Variants in BCOR observed in about 807,000 individuals in gnomAD.
BCOR encodes BCL-6 corepressor.
Under a neutral mutation model 86.7 loss-of-function variants are expected in BCOR, and 10 were observed. The ratio of observed to expected loss-of-function variants is 0.12; its 90% CI spans 0.07 to 0.20. BCOR has a LOEUF of 0.20. BCOR is among the 10% of genes least tolerant of loss of function. The pLI is 1.00. For missense variants in BCOR, 1,259 were observed against 1,452.1 expected, an observed-to-expected ratio of 0.87 and a Z score of 2.16; for synonymous variants, 611 against 609.0, an observed-to-expected ratio of 1.00 and a Z score of -0.05.
At chrX:40,117,612 C>T (rs1247117195) in intron 1 of BCOR, among the ~76,000 whole-genome samples, 1 of 111,683 alleles carries the variant, frequency 9.0e-6, no homozygotes, top group Non-Finnish European at 1.9e-5. Flanking sequence ...GAATTCATAA[C>T]GCCTTTCAAA....
Position 40,052,108 on chromosome X carries a change from C to T in BCOR, c.*1G>A, listed in dbSNP as rs1934323963. ...CACTGTACATGGTGGGTCCAGCTTG[C>T]TCACCAGTAGTTGTCTGAGGCCAGA... is the stretch of plus-strand genomic sequence containing the variant. On this transcript the variant is annotated 3_prime_UTR_variant, in exon 15 of 15. Transcript: ENST00000378444. 5.0e-6 allele frequency: 6 copies of T among 1,191,056 alleles called. No homozygotes were observed. Among genetic ancestry groups the T allele is most frequent in the East Asian group, 6.0e-5 (2 of 33,160 alleles).
chrX:40,161,198 G>T lies in BCOR; in HGVS notation c.-41+15809C>A, dbSNP rs193115624. On this transcript the variant is annotated intron_variant, in intron 1 of 14. Coordinates refer to the BCOR transcript ENST00000342274. ...AATTTTTGTTTTTTTGTTTTTTGGG[G>T]TTTTTTTTTGTTTTTTGGGTTTTTT... 4.6e-3 allele frequency among the ~76,000 whole-genome samples: 465 copies of T among 100,356 alleles called. 5 individuals carry two copies. The highest frequency in any genetic ancestry group is 0.021 in the Admixed American group (198 of 9,215). The allele number at this position is 100,356 out of a possible 115,157, so 87.1% of individuals were successfully genotyped here.
rs1000044703 is a variant in BCOR at position 40,051,953 on chromosome X, G to A, written c.*156C>T. The A allele has an allele frequency of 1.3e-5, 6 of 452,421 alleles. No individual in the cohort carries two copies. The highest frequency in any genetic ancestry group is 2.0e-5 in the Non-Finnish European group (6 of 296,133). 37.3% of individuals were successfully genotyped at this position (452,421 alleles called of 1,213,427 possible). ...TAAAAGTTTAAAAGGAAAAAAACAT[G>A]TTTCTAAGTCCTTCTGACTGGAGTA... On this transcript the variant is annotated 3_prime_UTR_variant, in exon 15 of 15. Coordinates refer to ENST00000378444, the MANE Select transcript of BCOR (RefSeq NM_001123385.2).
chrX:40,089,621 GCT>G (rs1172211122), intron 1 of BCOR, among the ~76,000 whole-genome samples: 1 of 110,975 alleles, frequency 9.0e-6, no homozygotes, highest in East Asian at 2.8e-4. Flanking sequence ...TAAGGCCAAT[GCT>G]CTCAACAAGC....
chrX:40,092,185 G>C (rs1936649251), intron 1 of BCOR, among the ~76,000 whole-genome samples: 2 of 112,159 alleles, frequency 1.8e-5, no homozygotes, highest in Non-Finnish European at 3.8e-5. Context: ...GGCATTGCCA[G>C]GGCTGCCCGC....
At chrX:40,098,838 T>C (rs1937010742), upstream of BCOR, among the ~76,000 whole-genome samples, 1 of 111,873 alleles carries the variant, frequency 8.9e-6, no homozygotes, top group African/African-American at 3.2e-5. Flanking sequence ...ACGTTTCAAT[T>C]GTGTGGGAAT....
At chrX:40,161,457 C>T (rs2148011827) in intron 1 of BCOR, among the ~76,000 whole-genome samples, 1 of 106,285 alleles carries the variant, frequency 9.4e-6, no homozygotes, top group South Asian at 4.2e-4. Flanking sequence ...CTCGGCCTCC[C>T]AAAGTGCTGG....
chrX:40,158,264 G>A (rs1050519032), intron 1 of BCOR, among the ~76,000 whole-genome samples: 6 of 112,466 alleles, frequency 5.3e-5, no homozygotes, highest in African/African-American at 1.6e-4. Context: ...CTGGGACAGC[G>A]CGCGCCCCGG....
intron 1 of BCOR, among the ~76,000 whole-genome samples, chrX:40,173,810 C>T (rs762708056): frequency 8.9e-6 from 1 of 112,654 alleles, no homozygotes; most frequent in African/African-American, 3.2e-5. Flanking sequence ...TAAATCAGTT[C>T]TCGGAGGAGT....
At chrX:40,124,508 C>T (rs1937520370) in intron 1 of BCOR, among the ~76,000 whole-genome samples, 1 of 111,276 alleles carries the variant, frequency 9.0e-6, no homozygotes, top group Non-Finnish European at 1.9e-5. Context: ...AGTGATCCGC[C>T]CACATCGGCT....
chrX:40,062,999 G>A lies in BCOR; in HGVS notation c.3920C>T (p.Ala1307Val). The change falls in exon 9 of 15, where the codon GCT (alanine) becomes GTT (valine). Residue 1307 changes from alanine to valine, a missense_variant. Physicochemically the swap from Ala to Val is moderately conservative, Grantham distance 64. Transcript: ENST00000378444. Reference protein sequence around the residue: ...SSTSAGGKKQAQPSCAPASRP... With the variant: ...SSTSAGGKKQVQPSCAPASRP... ...GGAGGCTGGTGCGCAGCTTGGCTGA[G>A]CCTGCTTTTTGCCGCCTGCACTGGT... 1 of 1,177,579 alleles carries A rather than the reference G, an allele frequency of 8.5e-7. No individual in the cohort carries two copies. Among genetic ancestry groups the A allele is most frequent in the Non-Finnish European group, 1.1e-6 (1 of 878,076 alleles).
chrX:40,163,853 G>A (rs1175647488), intron 1 of BCOR, among the ~76,000 whole-genome samples: 2 of 110,046 alleles, frequency 1.8e-5, no homozygotes, highest in Non-Finnish European at 1.9e-5. Flanking sequence ...CTAAAACCCC[G>A]TCTCTACTAA....
chrX:40,119,137 ACT>A lies in BCOR; in HGVS notation c.-40-41170_-40-41169del, dbSNP rs769971534. ...CATGAGCCATCACCCTTGGCCTGAG[ACT>A]CTGTTTTTTAAGATGCAAGCACACA... On this transcript the variant is annotated intron_variant, in intron 1 of 14. Transcript: ENST00000342274. Among the ~76,000 whole-genome samples, 8 of 111,206 alleles carry A rather than the reference ACT, an allele frequency of 7.2e-5. No homozygotes were observed. In the South Asian group the frequency reaches 3.0e-3, roughly 42 times the overall value.
chrX:40,074,651 G>A lies in BCOR; in HGVS notation c.695C>T (p.Pro232Leu). Reference protein sequence around the residue: ...LPQQSYSLAQPLYSPVCTNGE... With the variant: ...LPQQSYSLAQLLYSPVCTNGE... ...ATTGGTGCAGACTGGAGAATACAGCGGCTGGGCCAAGCTGTAGGACTGCTG... is the reference window on the plus strand; with the variant it reads ...ATTGGTGCAGACTGGAGAATACAGCAGCTGGGCCAAGCTGTAGGACTGCTG... Residue 232 changes from proline to leucine, a missense_variant, in exon 4 of 15, where the codon CCG (proline) becomes CTG (leucine). By Grantham distance (98) the Pro-to-Leu change is moderately conservative. Around this residue, in one of 7 missense-constraint regions of BCOR, gnomAD observed 6 missense variants for 23.4 expected, o/e 0.26. Coordinates refer to ENST00000378444, the MANE Select transcript of BCOR (RefSeq NM_001123385.2). The A allele has an allele frequency of 1.7e-6, 2 of 1,212,006 alleles. No homozygotes were observed. Among genetic ancestry groups the A allele is most frequent in the Non-Finnish European group, 2.2e-6 (2 of 895,483 alleles).
At chrX:40,172,692 GGCTGGCGGGACAA>G (rs1237312500) in intron 1 of BCOR, among the ~76,000 whole-genome samples, 3 of 113,239 alleles carry the variant, frequency 2.6e-5, no homozygotes, top group Non-Finnish European at 3.8e-5. Flanking sequence ...CCATGCCTCG[GGCTGGCGGGACAA>G]GCGGCGGGGA....
intron 1 of BCOR, among the ~76,000 whole-genome samples, chrX:40,083,926 A>C (rs920154938): frequency 9.0e-6 from 1 of 111,368 alleles, no homozygotes; most frequent in African/African-American, 3.3e-5. Flanking sequence ...TTCTCTCCCC[A>C]TCAACGAATC....
At chrX:40,104,824 C>T (rs1184880927) in intron 1 of BCOR, among the ~76,000 whole-genome samples, 1 of 112,627 alleles carries the variant, frequency 8.9e-6, no homozygotes, top group Non-Finnish European at 1.9e-5. Flanking sequence ...AGCGGGTATC[C>T]GCTGACAGCC....
intron 1 of BCOR, among the ~76,000 whole-genome samples, chrX:40,152,197 A>G (rs907706100): frequency 4.5e-5 from 5 of 111,400 alleles, no homozygotes; most frequent in African/African-American, 1.6e-4. Context: ...CGGGGAATTT[A>G]GTCCTGCAAG....
chrX:40,104,263 A>G (rs180835916), intron 1 of BCOR, among the ~76,000 whole-genome samples: 2 of 111,501 alleles, frequency 1.8e-5, no homozygotes, highest in Admixed American at 9.5e-5. Context: ...GGGTCATATA[A>G]CTATGTCAAC....
Sources: gnomAD v4.1 joint callset for allele counts (sites outside exome capture counted in the v4.1 genomes callset) on GRCh38, gnomAD v4.1.1 for gene constraint, gnomAD v4.1.1 regional missense constraint, MANE v1.5 for transcripts, NCBI Gene and HGNC (gene_info 2026-07-23, HGNC 2026-07-21) for gene names.